The following SEL1L3 variants were observed in gnomAD, a reference collection of about 807,000 sequenced individuals.
SEL1L3 encodes SEL1L family member 3, also known as protein sel-1 homolog 3.
In SEL1L3, 76 loss-of-function variants were observed where a neutral mutation model predicts 142.8. The ratio of observed to expected loss-of-function variants is 0.53; its 90% CI spans 0.44 to 0.64. SEL1L3 has a LOEUF of 0.64. Among genes scored for constraint, SEL1L3 ranks in the 30% least tolerant of loss-of-function variants. The probability of loss-of-function intolerance (pLI) is 0.00; values close to 1 mark genes in which losing one functional copy is unlikely to be tolerated. For synonymous variants in SEL1L3, 504 were observed against 519.6 expected, an observed-to-expected ratio of 0.97 and a Z score of 0.41; for missense variants, 1,262 against 1,381.7, an observed-to-expected ratio of 0.91 and a Z score of 1.37.
intron 11 of SEL1L3, among the ~76,000 whole-genome samples, chr4:25,791,949 A>G (rs973837553): frequency 6.7e-6 from 1 of 150,170 alleles, no homozygotes; most frequent in Non-Finnish European, 1.5e-5. Context: ...CACAAACTTG[A>G]GTCTGCAGCC....
Position 25,767,536 on chromosome 4 carries a change from G to A in SEL1L3, c.2834C>T (p.Ala945Val), listed in dbSNP as rs767557524. The change falls in exon 19 of 24, where the codon GCT becomes GTT. Residue 945 changes from alanine (A) to valine (V), a missense_variant. By Grantham distance (64) the Ala-to-Val change is moderately conservative (BLOSUM62 0). Transcript: ENST00000399878. The stretch of plus-strand genomic sequence containing the variant: ...TTTTCTATACATACCAAAGGAAGGA[G>A]CATCGATTTGAAAAACAGAGAAATT... ...YYNFSVFQID[A>V]PSFAYLKMGD... The A allele has an allele frequency of 5.1e-6, 8 of 1,573,552 alleles. No individual in the cohort carries two copies. Among genetic ancestry groups the A allele is most frequent in the Non-Finnish European group, 6.1e-6 (7 of 1,147,950 alleles).
At chr4:25,741,062 G>A in the SEL1L3 span, among the ~76,000 whole-genome samples, 1 of 151,326 alleles carries the variant, frequency 6.6e-6, no homozygotes, top group African/African-American at 2.4e-5. Context: ...TGGGATTATA[G>A]ACATGAGCCA....
chr4:25,806,832 C>T (rs1369131858), intron 9 of SEL1L3, among the ~76,000 whole-genome samples: 5 of 151,204 alleles, frequency 3.3e-5, no homozygotes, highest in Admixed American at 3.3e-4. Flanking sequence ...TTTTTAAACT[C>T]CCCAGAGAAA....
chr4:25,810,460 T>A (rs1713946705), intron 9 of SEL1L3, among the ~76,000 whole-genome samples: 1 of 152,124 alleles, frequency 6.6e-6, no homozygotes. Context: ...AACGGCTCAG[T>A]TTTGACAGGT....
At chr4:25,757,488 T>G (rs4697615) in intron 23 of SEL1L3, 46 bp downstream of exon 23, 2,042 of 441,290 alleles carry the variant, frequency 4.6e-3, no homozygotes, top group Non-Finnish European at 5.8e-3. Context: ...AAATCCCTGC[T>G]TTTTTTTTTT....
intron 11 of SEL1L3, among the ~76,000 whole-genome samples, chr4:25,791,955 C>T (rs374898135): frequency 3.5e-4 from 53 of 151,476 alleles, no homozygotes; most frequent in African/African-American, 1.2e-3. Context: ...CTTGAGTCTG[C>T]AGCCCCGTTC....
At chr4:25,859,204 C>G (rs1717504406) in intron 1 of SEL1L3, among the ~76,000 whole-genome samples, 1 of 152,182 alleles carries the variant, frequency 6.6e-6, no homozygotes, top group African/African-American at 2.4e-5. Context: ...GCGTGGGGCA[C>G]AGTACTCAGC....
chr4:25,809,408 G>T (rs776895979), intron 9 of SEL1L3, among the ~76,000 whole-genome samples: 1 of 151,290 alleles, frequency 6.6e-6, no homozygotes, highest in Non-Finnish European at 1.5e-5. Flanking sequence ...GCCTACCAAA[G>T]TGCTGGGATT....
intron 2 of SEL1L3, among the ~76,000 whole-genome samples, chr4:25,846,984 A>G (rs1716555236): frequency 6.6e-6 from 1 of 151,596 alleles, no homozygotes; most frequent in African/African-American, 2.4e-5. Context: ...GATTTTCCCA[A>G]TCCTTGTTTC....
chr4:25,851,281 T>C (rs1716874941), intron 1 of SEL1L3, among the ~76,000 whole-genome samples: 1 of 152,184 alleles, frequency 6.6e-6, no homozygotes, highest in African/African-American at 2.4e-5. Flanking sequence ...AACAATCAAT[T>C]TTCAAACATT....
intron 19 of SEL1L3, among the ~76,000 whole-genome samples, chr4:25,766,086 T>C (rs1718706589): frequency 1.3e-5 from 2 of 152,192 alleles, no homozygotes; most frequent in African/African-American, 4.8e-5. Context: ...CTGTTTTTGG[T>C]AACTCTTTGC....
chr4:25,740,451 C>A, the SEL1L3 span, among the ~76,000 whole-genome samples: 2 of 146,926 alleles, frequency 1.4e-5, no homozygotes, highest in South Asian at 2.2e-4. Context: ...AAAAAAAAAT[C>A]TAGTTCCTAG....
chr4:25,790,496 A>C lies in SEL1L3; in HGVS notation c.2035T>G (p.Trp679Gly), dbSNP rs767543793. ...CCTCGGGTAGCTTCATGCTTCAACC[A>C]CATAAAGACATCTCCATCTTCTTTG... Reference protein sequence around the residue: ...QTKEDGDVFMWLKHEATRGNA... With the variant: ...QTKEDGDVFMGLKHEATRGNA... The change falls in exon 12 of 24, where the codon TGG becomes GGG. Residue 679 changes from tryptophan (W) to glycine (G), a missense_variant. Coordinates refer to ENST00000399878, the MANE Select transcript of SEL1L3 (RefSeq NM_015187.5). 1 of 1,613,766 alleles carries C rather than the reference A, an allele frequency of 6.2e-7. No homozygotes were observed. Among genetic ancestry groups the C allele is most frequent in the Admixed American group, 1.7e-5 (1 of 59,998 alleles).
At chr4:25,807,886 T>C (rs372788131) in intron 9 of SEL1L3, among the ~76,000 whole-genome samples, 7 of 152,302 alleles carry the variant, frequency 4.6e-5, no homozygotes, top group East Asian at 3.9e-4. Context: ...GAAAGGGCTG[T>C]GTTATTTCTT....
chr4:25,765,489 AT>A, intron 19 of SEL1L3, 54 bp from the exon 20 acceptor site: 1 of 1,131,190 alleles, frequency 8.8e-7, no homozygotes, highest in Non-Finnish European at 1.3e-6. Flanking sequence ...TTATACCAAC[AT>A]TTTAAATTAT....
chr4:25,811,764 T>TGTTG (rs1203957652), intron 9 of SEL1L3, among the ~76,000 whole-genome samples: 2 of 147,812 alleles, frequency 1.4e-5, no homozygotes, highest in African/African-American at 5.1e-5. Flanking sequence ...TTTTTTTTTT[T>TGTTG]TTGTTGTTGT....
At chr4:25,804,406 A>G in intron 10 of SEL1L3, 135 bp downstream of exon 10, 1 of 678,306 alleles carries the variant, frequency 1.5e-6, no homozygotes, top group South Asian at 1.8e-5. Flanking sequence ...GCCCCAGGAC[A>G]TTTATCTTGA....
intron 1 of SEL1L3, among the ~76,000 whole-genome samples, chr4:25,850,905 C>G (rs961089985): frequency 3.3e-5 from 5 of 151,308 alleles, no homozygotes; most frequent in African/African-American, 7.3e-5. Context: ...GGCTGGAGTG[C>G]AGTGACGCAA....
rs982227594 is a variant in SEL1L3 at position 25,788,057 on chromosome 4, C to T, written c.2217+167G>A. 4.6e-5 allele frequency among the ~76,000 whole-genome samples: 7 copies of T among 152,172 alleles called. No homozygotes were observed. The highest frequency in any genetic ancestry group is 1.0e-4 in the Non-Finnish European group (7 of 68,030). On this transcript the variant is annotated intron_variant, in intron 13 of 23. Transcript: ENST00000399878. This position sits in a 1 kb window ranked among gnomAD's most constrained non-coding sequence, Gnocchi z 5.3. ...GATTAAAAATGAGAACAGGGAACTG[C>T]TTCTGACTCTGCCTTTTTAGCCAAC...
Sources: allele counts gnomAD v4.1 joint callset (sites outside exome capture counted in the v4.1 genomes callset), GRCh38; gene constraint gnomAD v4.1.1; non-coding constraint Gnocchi (gnomAD v3.1); transcripts MANE v1.5; gene names NCBI Gene and HGNC (gene_info 2026-07-23, HGNC 2026-07-21).